Variants in COMMD7 observed in about 807,000 individuals in gnomAD.
The protein encoded by COMMD7 is COMM domain-containing protein 7.
Under a neutral mutation model 34.8 loss-of-function variants are expected in COMMD7, and 28 were observed. The ratio of observed to expected loss-of-function variants is 0.80; its 90% CI spans 0.60 to 1.10. COMMD7 has a LOEUF of 1.10. Ranked by LOEUF, COMMD7 falls within the 50% of genes least tolerant of loss-of-function variation. The pLI is 0.00. For synonymous variants in COMMD7, 80 were observed against 86.4 expected (o/e 0.93, Z 0.41); for missense variants, 211 against 241.6 (o/e 0.87, Z 0.84).
chr20:32,713,108 G>A (rs1198232293), intron 3 of COMMD7, among the ~76,000 whole-genome samples: 2 of 150,510 alleles, frequency 1.3e-5, no homozygotes, highest in South Asian at 2.1e-4. Flanking sequence ...GAGCACAATG[G>A]TGCAATCTCA....
At chr20:32,737,414 C>G (rs909915300) in intron 1 of COMMD7, among the ~76,000 whole-genome samples, 1 of 145,890 alleles carries the variant, frequency 6.9e-6, no homozygotes, top group African/African-American at 2.5e-5. Flanking sequence ...GCCTATAGTC[C>G]CAGCTACTAG....
At chr20:32,718,088 C>CAA (rs10711557) in intron 3 of COMMD7, among the ~76,000 whole-genome samples, 3 of 137,954 alleles carry the variant, frequency 2.2e-5, no homozygotes, top group East Asian at 2.2e-4. Context: ...GACTGCCTCT[C>CAA]AAAAAAAAAA....
chr20:32,709,853 C>T (rs1478364591), intron 3 of COMMD7, among the ~76,000 whole-genome samples: 1 of 151,910 alleles, frequency 6.6e-6, no homozygotes, highest in East Asian at 1.9e-4. Flanking sequence ...CAGAAAGGAT[C>T]CCCGACCATT....
intron 3 of COMMD7, among the ~76,000 whole-genome samples, chr20:32,707,199 G>A (rs532263075): frequency 1.9e-4 from 29 of 149,226 alleles, no homozygotes; most frequent in African/African-American, 7.1e-4. Flanking sequence ...CAGGAGAATG[G>A]CGTGAACCCG....
chr20:32,704,178 G>A lies in COMMD7; in HGVS notation c.478-107C>T, dbSNP rs561429701. ...AGCTTCCAACCTGAGAGTCATACAGGAGCAGTCTGGATCATCCACCACCGA... is the reference window on the plus strand; with the variant it reads ...AGCTTCCAACCTGAGAGTCATACAGAAGCAGTCTGGATCATCCACCACCGA... On this transcript the variant is annotated intron_variant, in intron 7 of 8. Coordinates refer to ENST00000278980, the MANE Select transcript of COMMD7 (RefSeq NM_053041.3). 2.3e-4 allele frequency: 224 copies of A among 955,466 alleles called. No individual in the cohort carries two copies. The African/African-American group carries it at 3.6e-3, about 15-fold the overall frequency. The allele number at this position is 955,466 out of a possible 1,614,324, so 59.2% of individuals were successfully genotyped here. A position where few individuals can be genotyped will look rare whatever the true frequency, so the allele number is the denominator to read the frequency against.
intron 1 of COMMD7, among the ~76,000 whole-genome samples, chr20:32,740,272 A>C (rs6087417): frequency 2.1e-5 from 3 of 143,192 alleles, no homozygotes; most frequent in African/African-American, 7.9e-5. Flanking sequence ...AGCCGAGATC[A>C]CGCCACTGCA....
chr20:32,729,066 A>G (rs1350165080), intron 1 of COMMD7, among the ~76,000 whole-genome samples: 1 of 152,108 alleles, frequency 6.6e-6, no homozygotes, highest in Non-Finnish European at 1.5e-5. Flanking sequence ...CCTAACTTCC[A>G]TTGTGACAAT....
chr20:32,725,452 G>A (rs1985451909), intron 3 of COMMD7, among the ~76,000 whole-genome samples: 1 of 128,138 alleles, frequency 7.8e-6, no homozygotes, highest in Non-Finnish European at 1.6e-5. Flanking sequence ...TTTTTGAGAC[G>A]GAGTGTTGCT....
intron 1 of COMMD7, among the ~76,000 whole-genome samples, chr20:32,734,965 C>T (rs566988087): frequency 2.0e-4 from 30 of 151,662 alleles, no homozygotes; most frequent in African/African-American, 5.6e-4. Flanking sequence ...TGCCCAGGCA[C>T]GGTGGCTCAT....
At position 32,703,966 on chromosome 20, in the gene COMMD7, CCT is replaced by C. The variant is rs528083998; in HGVS notation, c.526+55_526+56del. ...TGATTTGTGGTGAGCGTCACCAGCC[CCT>C]GATTGCAGAGAACACAAAAAAGGTG... is the stretch of plus-strand genomic sequence containing the variant. On this transcript the variant is annotated intron_variant, in intron 8 of 8. Transcript: ENST00000278980. 9.7e-5 allele frequency: 156 copies of C among 1,612,804 alleles called. No individual in the cohort carries two copies. In the African/African-American group the frequency reaches 1.6e-3, roughly 17 times the overall value.
intron 3 of COMMD7, among the ~76,000 whole-genome samples, chr20:32,725,994 C>T (rs544554266): frequency 2.9e-5 from 4 of 135,646 alleles, no homozygotes; most frequent in African/African-American, 1.1e-4. Flanking sequence ...GCCCGGGAGG[C>T]GGAGGTTGCA....
chr20:32,707,149 T>C (rs974479019), intron 3 of COMMD7, among the ~76,000 whole-genome samples: 2 of 145,446 alleles, frequency 1.4e-5, no homozygotes, highest in Non-Finnish European at 3.0e-5. Flanking sequence ...CCAGGCATGG[T>C]GGCAGGCACC....
rs754807110 is a variant in COMMD7 at position 32,727,920 on chromosome 20, C to T, written c.214G>A (p.Val72Met). 3.0e-5 allele frequency: 49 copies of T among 1,613,862 alleles called. No individual in the cohort carries two copies. Among genetic ancestry groups the T allele is most frequent in the Non-Finnish European group, 3.6e-5 (43 of 1,179,902 alleles). The change falls in exon 3 of 9, where the codon GTG becomes ATG. Residue 72 changes from valine (V) to methionine (M), a missense_variant. Coordinates refer to ENST00000278980, the MANE Select transcript of COMMD7 (RefSeq NM_053041.3). ...QISLGSLRSI[V>M]KSLLLVPNGA... ...TTTGGAACCAGAAGGAGGCTTTTCA[C>T]GATGCTTCTGAGGGAGCCAAGACTG... is the stretch of plus-strand genomic sequence containing the variant.
intron 1 of COMMD7, chr20:32,742,412 A>G (rs935866525): frequency 1.3e-5 from 2 of 152,020 alleles, no homozygotes; most frequent in East Asian, 3.9e-4. Context: ...CCTCCTGGGA[A>G]GTGACAACCT....
At chr20:32,738,623 T>C (rs1384758488) in intron 1 of COMMD7, among the ~76,000 whole-genome samples, 2 of 152,164 alleles carry the variant, frequency 1.3e-5, no homozygotes, top group African/African-American at 4.8e-5. Flanking sequence ...GGTCTTGCTA[T>C]GTTGCTCAGG....
intron 3 of COMMD7, among the ~76,000 whole-genome samples, chr20:32,720,491 G>A (rs1051152530): frequency 6.6e-6 from 1 of 151,556 alleles, no homozygotes; most frequent in African/African-American, 2.4e-5. Flanking sequence ...GTGAAACTCC[G>A]TCTCAGAAAA....
At chr20:32,736,339 A>G (rs1986128007) in intron 1 of COMMD7, among the ~76,000 whole-genome samples, 1 of 152,186 alleles carries the variant, frequency 6.6e-6, no homozygotes, top group African/African-American at 2.4e-5. Context: ...GACTCAGGTA[A>G]GTTGCTTATT....
intron 3 of COMMD7, among the ~76,000 whole-genome samples, chr20:32,713,463 C>T (rs776266468): frequency 2.0e-5 from 3 of 152,156 alleles, no homozygotes; most frequent in African/African-American, 7.2e-5. Context: ...TTTGCCAAGA[C>T]GGTTGGAAAA....
intron 3 of COMMD7, among the ~76,000 whole-genome samples, chr20:32,714,186 G>A (rs1426252614): frequency 1.3e-5 from 2 of 152,166 alleles, no homozygotes; most frequent in Admixed American, 1.3e-4. Context: ...GGTGGTGCAT[G>A]AGGCTGGCGG....
Sources: allele counts gnomAD v4.1 joint callset (sites outside exome capture counted in the v4.1 genomes callset), GRCh38; gene constraint gnomAD v4.1.1; transcripts MANE v1.5; gene names NCBI Gene and HGNC (gene_info 2026-07-23, HGNC 2026-07-21).